DCDC1: variants seen among roughly 807,000 people sequenced by gnomAD.
DCDC1 encodes doublecortin domain containing 1.
Under a neutral mutation model 178.3 loss-of-function variants are expected in DCDC1, and 200 were observed. That is an observed-to-expected ratio of 1.12 (90% CI 1.00 to 1.26). The LOEUF is 1.26. DCDC1 is among the 50% of genes most tolerant of loss of function. The probability of loss-of-function intolerance (pLI) is 0.00; values close to 1 mark genes in which losing one functional copy is unlikely to be tolerated. For synonymous variants in DCDC1, 690 were observed against 604.8 expected (o/e 1.14, Z -2.07); for missense variants, 1,983 against 1,749.2 (o/e 1.13, Z -2.38).
At chr11:31,133,466 G>A (rs184209627) in intron 10 of DCDC1, among the ~76,000 whole-genome samples, 2 of 152,162 alleles carry the variant, frequency 1.3e-5, no homozygotes, top group African/African-American at 4.8e-5. Flanking sequence ...ATTTTAAACT[G>A]CCTAAAATCT....
chr11:31,063,560 C>T (rs886078327), intron 20 of DCDC1, among the ~76,000 whole-genome samples: 5 of 152,016 alleles, frequency 3.3e-5, no homozygotes, highest in Admixed American at 1.3e-4. Flanking sequence ...ATGCAAGTGA[C>T]ATTTCTATCT....
intron 10 of DCDC1, among the ~76,000 whole-genome samples, chr11:31,129,070 G>T (rs760676574): frequency 5.9e-5 from 9 of 151,908 alleles, no homozygotes; most frequent in Admixed American, 4.6e-4. Context: ...TATTTGCCCC[G>T]CCTATATTCT....
intron 9 of DCDC1, among the ~76,000 whole-genome samples, chr11:31,235,035 A>G (rs187505153): frequency 1.1e-3 from 164 of 152,250 alleles, no homozygotes; most frequent in Non-Finnish European, 1.6e-3. Flanking sequence ...TGGAGTTTTT[A>G]AAATGCAATA....
At chr11:31,262,928 T>A in intron 8 of DCDC1, 1 of 989,444 alleles carries the variant, frequency 1.0e-6, no homozygotes, top group East Asian at 2.5e-5. Context: ...TCAGCTGGCA[T>A]AAGCTTTTAT....
intron 10 of DCDC1, among the ~76,000 whole-genome samples, chr11:31,131,370 T>A (rs1962420646): frequency 6.6e-6 from 1 of 152,176 alleles, no homozygotes; most frequent in Non-Finnish European, 1.5e-5. Flanking sequence ...CTCGTTATCC[T>A]CCTTTTCTTA....
rs905606894 is a variant in DCDC1, at chr11:30,939,802, T to C, written c.2716-7850A>G. ...TTTATCATGTCTTGAAAATGGACCA[T>C]TTAAAAGGTTTTTTCACACTTCTTT... On this transcript the variant is annotated intron_variant, in intron 21 of 38. Transcript: ENST00000684477. Among the ~76,000 whole-genome samples the C allele has an allele frequency of 3.3e-5, 5 of 152,188 alleles. No individual in the cohort carries two copies. In the East Asian group the frequency reaches 9.6e-4, roughly 29 times the overall value.
intron 8 of DCDC1, among the ~76,000 whole-genome samples, chr11:31,257,693 A>AACACACACACAC (rs60535376): frequency 1.8e-3 from 265 of 143,910 alleles, no homozygotes; most frequent in African/African-American, 6.4e-3. Flanking sequence ...CAGATAGGAA[A>AACACACACACAC]ACACACACAC....
chr11:30,987,732 T>C (rs2134880024), intron 20 of DCDC1, among the ~76,000 whole-genome samples: 1 of 152,372 alleles, frequency 6.6e-6, no homozygotes, highest in African/African-American at 2.4e-5. Context: ...TGGCCACATG[T>C]AGCCTAGGAT....
At chr11:31,097,089 C>A (rs143212992) in intron 15 of DCDC1, among the ~76,000 whole-genome samples, 1 of 152,240 alleles carries the variant, frequency 6.6e-6, no homozygotes, top group Non-Finnish European at 1.5e-5. Flanking sequence ...AACACTTACA[C>A]ATATAGGTCC....
rs373394961 is a variant in DCDC1 at position 31,233,242 on chromosome 11, CTTTCT to C, written c.1221+8203_1221+8207del. Among the ~76,000 whole-genome samples the C allele has an allele frequency of 9.9e-5, 15 of 152,226 alleles. No homozygotes were observed. In the East Asian group the frequency reaches 1.2e-3, roughly 12 times the overall value. On this transcript the variant is annotated intron_variant, in intron 9 of 38. Coordinates refer to ENST00000684477, the MANE Select transcript of DCDC1 (RefSeq NM_001387274.1). Reference sequence around the variant, plus strand: ...TCACTTTCATTCTATTCATGCTAGTCTTTCTTTTAAGTTCCCATAATACATAGAAT... The same window carrying C: ...TCACTTTCATTCTATTCATGCTAGTCTTTAAGTTCCCATAATACATAGAAT...
chr11:30,872,843 G>A (rs1345780547), intron 38 of DCDC1, among the ~76,000 whole-genome samples: 1 of 151,728 alleles, frequency 6.6e-6, no homozygotes, highest in East Asian at 1.9e-4. Flanking sequence ...ACTATTTATT[G>A]CACATAATTA....
intron 8 of DCDC1, among the ~76,000 whole-genome samples, chr11:31,255,035 TATA>T (rs1944319169): frequency 6.6e-6 from 1 of 152,208 alleles, no homozygotes; most frequent in Admixed American, 6.5e-5. Flanking sequence ...AATGGAATCA[TATA>T]ATATGTTACC....
At chr11:30,876,779 T>A (rs559791626) in intron 38 of DCDC1, among the ~76,000 whole-genome samples, 2 of 152,228 alleles carry the variant, frequency 1.3e-5, no homozygotes, top group African/African-American at 2.4e-5. Flanking sequence ...TAGAGAGATG[T>A]CTTTGTTTTC....
At chr11:31,094,276 T>C (rs1958001241) in intron 15 of DCDC1, 92 bp from the exon 16 acceptor site, 1 of 686,696 alleles carries the variant, frequency 1.5e-6, no homozygotes, top group Non-Finnish European at 2.6e-6. Context: ...TCCTAGAACA[T>C]TATTTATTCT....
chr11:31,225,640 T>C (rs1289391656), intron 9 of DCDC1, among the ~76,000 whole-genome samples: 1 of 149,726 alleles, frequency 6.7e-6, no homozygotes, highest in Non-Finnish European at 1.5e-5. Context: ...AAAATATGAC[T>C]GGAGATTCAG....
rs374104125 is a variant in DCDC1, at chr11:31,042,733, C to T, written c.2591+21736G>A. 2.2e-4 allele frequency among the ~76,000 whole-genome samples: 34 copies of T among 152,214 alleles called. No individual in the cohort carries two copies. In the East Asian group the frequency reaches 4.8e-3, roughly 22 times the overall value. On this transcript the variant is annotated intron_variant, in intron 20 of 38. Transcript: ENST00000684477. ...ACGGTTGTGGACGTTGCTTCTTGTG[C>T]GGCTCAGTATCCTTCACCATCCTCT...
At chr11:30,868,590 G>T (rs757168097) in intron 38 of DCDC1, among the ~76,000 whole-genome samples, 27 of 152,028 alleles carry the variant, frequency 1.8e-4, no homozygotes, top group Non-Finnish European at 3.7e-4. Context: ...TGCTCATCTG[G>T]GCCTGCAGCA....
At chr11:31,213,130 T>C (rs865855373) in intron 9 of DCDC1, among the ~76,000 whole-genome samples, 22 of 137,348 alleles carry the variant, frequency 1.6e-4, no homozygotes, top group East Asian at 6.1e-4. Context: ...TCTCTCTCTC[T>C]CTCTCTCTCT....
intron 36 of DCDC1, chr11:30,883,668 T>C (rs1052001079): frequency 1.1e-4 from 22 of 207,020 alleles, no homozygotes; most frequent in African/African-American, 5.2e-4. Context: ...AAGCAAAATC[T>C]ATGAAGTTAT....
Sources: allele counts gnomAD v4.1 joint callset (sites outside exome capture counted in the v4.1 genomes callset), GRCh38; gene constraint gnomAD v4.1.1; transcripts MANE v1.5; gene names NCBI Gene and HGNC (gene_info 2026-07-23, HGNC 2026-07-21).